ZNF518A: variants seen among roughly 807,000 people sequenced by gnomAD.
The protein encoded by ZNF518A is zinc finger protein 518.
A neutral mutation model predicts 102.7 loss-of-function variants in ZNF518A; 47 were observed. The observed-to-expected ratio is 0.46, with a 90% confidence interval of 0.36 to 0.58. The LOEUF is 0.58. Among genes scored for constraint, ZNF518A ranks in the 20% least tolerant of loss-of-function variants. ZNF518A has a pLI of 0.00. For synonymous variants in ZNF518A, 652 were observed against 594.6 expected, an observed-to-expected ratio of 1.10 and a Z score of -1.40; for missense variants, 1,793 against 1,699.8, an observed-to-expected ratio of 1.05 and a Z score of -0.96.
intron 3 of ZNF518A, among the ~76,000 whole-genome samples, chr10:96,140,927 GAGTA>G (rs1194312734): frequency 1.3e-5 from 2 of 152,110 alleles, no homozygotes; most frequent in Non-Finnish European, 2.9e-5. Flanking sequence ...CTGGGAGACA[GAGTA>G]AGACCCTGTC....
At chr10:96,145,720 C>G (rs2082141462) in intron 3 of ZNF518A, among the ~76,000 whole-genome samples, 1 of 152,170 alleles carries the variant, frequency 6.6e-6, no homozygotes, top group African/African-American at 2.4e-5. Context: ...TTTATACTGG[C>G]AGCAAGTATA....
At chr10:96,150,602 C>T (rs992434489) in intron 3 of ZNF518A, among the ~76,000 whole-genome samples, 5 of 150,014 alleles carry the variant, frequency 3.3e-5, no homozygotes, top group South Asian at 2.1e-4. Flanking sequence ...TTATTCCTCC[C>T]GCATCTACTT....
chr10:96,189,649 T>C, intron 1 of ZNF518A: 1 of 715,262 alleles, frequency 1.4e-6, no homozygotes, highest in Non-Finnish European at 2.6e-6. Flanking sequence ...TTGGCTGGAG[T>C]ATGTAGATTT....
chr10:96,196,679 C>A (rs587617027), intron 1 of ZNF518A, among the ~76,000 whole-genome samples: 15 of 152,276 alleles, frequency 9.9e-5, no homozygotes, highest in African/African-American at 3.1e-4. Context: ...CATTAAATAA[C>A]TGAATGAAAG....
downstream of ZNF518A, among the ~76,000 whole-genome samples, chr10:96,165,875 G>C (rs1554890239): frequency 6.6e-6 from 1 of 152,172 alleles, no homozygotes; most frequent in East Asian, 1.9e-4. Flanking sequence ...TGGAGGCTAG[G>C]AAGTCCCACA....
intron 1 of ZNF518A, among the ~76,000 whole-genome samples, chr10:96,201,284 C>A (rs1554896079): frequency 6.6e-6 from 1 of 152,038 alleles, no homozygotes; most frequent in East Asian, 1.9e-4. Context: ...ACTATGAAAC[C>A]CAATTTTCCT....
chr10:96,147,584 G>A (rs1433829610), intron 3 of ZNF518A, among the ~76,000 whole-genome samples: 3 of 152,002 alleles, frequency 2.0e-5, no homozygotes, highest in African/African-American at 7.2e-5. Flanking sequence ...CTAGACCCTT[G>A]GCAAAATGTA....
At chr10:96,139,548 G>C (rs1275509086) in intron 3 of ZNF518A, among the ~76,000 whole-genome samples, 1 of 152,146 alleles carries the variant, frequency 6.6e-6, no homozygotes, top group African/African-American at 2.4e-5. Flanking sequence ...CTTGATCTTA[G>C]ACTTCCTAGG....
chr10:96,189,742 G>T (rs2083300110), intron 1 of ZNF518A: 1 of 725,968 alleles, frequency 1.4e-6, no homozygotes, highest in East Asian at 2.6e-5. Context: ...ATCTTCATCA[G>T]CAGCAAGTTT....
intron 1 of ZNF518A, among the ~76,000 whole-genome samples, chr10:96,132,143 A>G (rs1201044048): frequency 6.6e-6 from 1 of 151,140 alleles, no homozygotes; most frequent in Non-Finnish European, 1.5e-5. Flanking sequence ...TGAAATTTTT[A>G]TTTATTATCT....
intron 1 of ZNF518A, among the ~76,000 whole-genome samples, chr10:96,192,658 T>G (rs587638188): frequency 6.6e-6 from 1 of 152,298 alleles, no homozygotes; most frequent in South Asian, 2.1e-4. Context: ...ATAATGAAAT[T>G]TCATGCTAGG....
chr10:96,148,477 G>A (rs924504824), intron 3 of ZNF518A, among the ~76,000 whole-genome samples: 2 of 152,184 alleles, frequency 1.3e-5, no homozygotes, highest in African/African-American at 4.8e-5. Flanking sequence ...CATAGTCTCA[G>A]TTTCTAACAA....
At chr10:96,184,500 G>A (rs1227705791) in intron 1 of ZNF518A, among the ~76,000 whole-genome samples, 3 of 152,162 alleles carry the variant, frequency 2.0e-5, no homozygotes, top group Non-Finnish European at 4.4e-5. Context: ...AGGGCTGGTG[G>A]TGACAAAATC....
Position 96,160,008 on chromosome 10 carries a change from A to C in ZNF518A, c.3686A>C (p.Glu1229Ala), listed in dbSNP as rs1267620939. The C allele has an allele frequency of 3.7e-6, 6 of 1,613,426 alleles. No homozygotes were observed. Among genetic ancestry groups the C allele is most frequent in the African/African-American group, 1.3e-5 (1 of 74,902 alleles). ...CCAATATGTGTCAGTGACTGTTCAG[A>C]GTCCAGGGTATTAAGGTGTAAAACA... is the stretch of plus-strand genomic sequence containing the variant. ...EEPICVSDCS[E>A]SRVLRCKTNC... is the part of the protein sequence containing the mutation. Residue 1229 changes from glutamate (E) to alanine (A), a missense_variant, in exon 6 of 6, where the codon GAG (glutamate) becomes GCG (alanine). Coordinates refer to ENST00000316045, the MANE Select transcript of ZNF518A (RefSeq NM_001330736.2).
intron 1 of ZNF518A, among the ~76,000 whole-genome samples, chr10:96,170,724 T>C (rs186455413): frequency 2.0e-5 from 3 of 152,316 alleles, no homozygotes; most frequent in Non-Finnish European, 1.5e-5. Flanking sequence ...CACCACATTA[T>C]AGATAAATTT....
intron 1 of ZNF518A, among the ~76,000 whole-genome samples, chr10:96,179,783 C>CCTT (rs782281372): frequency 2.0e-5 from 3 of 151,666 alleles, no homozygotes. Flanking sequence ...TCTTCCTTTT[C>CCTT]TTCTTCCTCC....
intron 3 of ZNF518A, among the ~76,000 whole-genome samples, chr10:96,134,124 T>G (rs1440299785): frequency 6.6e-6 from 1 of 152,228 alleles, no homozygotes; most frequent in African/African-American, 2.4e-5. Flanking sequence ...CAATCATCAC[T>G]GGAACATTTT....
At position 96,158,459 on chromosome 10, in the gene ZNF518A, A is replaced by C. The variant is rs782108540; in HGVS notation, c.2137A>C (p.Lys713Gln). 6.2e-7 allele frequency: 1 copy of C among 1,612,732 alleles called. No individual in the cohort carries two copies. The change falls in exon 6 of 6, where the codon AAA becomes CAA. Residue 713 changes from lysine to glutamine, a missense_variant. This residue lies in a region of ZNF518A where 1,741 missense variants were observed against 1,622.6 expected (regional missense o/e 1.07). Transcript: ENST00000316045. ...TGATAAAGATGGAACTTTAAAAGCAAAATCTGAAATTGAAGAACAGTATGT... is the reference window on the plus strand; with the variant it reads ...TGATAAAGATGGAACTTTAAAAGCACAATCTGAAATTGAAGAACAGTATGT... ...LNDKDGTLKA[K>Q]SEIEEQYVLE...
At chr10:96,138,882 T>C (rs2081757758) in intron 3 of ZNF518A, among the ~76,000 whole-genome samples, 1 of 151,640 alleles carries the variant, frequency 6.6e-6, no homozygotes, top group Non-Finnish European at 1.5e-5. Flanking sequence ...AAATAAAATA[T>C]TGCCAGAGAT....
Sources: gnomAD v4.1 joint callset for allele counts (sites outside exome capture counted in the v4.1 genomes callset) on GRCh38, gnomAD v4.1.1 for gene constraint, gnomAD v4.1.1 regional missense constraint, MANE v1.5 for transcripts, NCBI Gene and HGNC (gene_info 2026-07-23, HGNC 2026-07-21) for gene names.